The following DNAH17 variants were observed in gnomAD, a reference collection of about 807,000 sequenced individuals.
DNAH17 encodes axonemal beta dynein heavy chain 17.
In DNAH17, 376 loss-of-function variants were observed where a neutral mutation model predicts 485.6. The ratio of observed to expected loss-of-function variants is 0.77; its 90% CI spans 0.71 to 0.84. The LOEUF (loss-of-function observed/expected upper bound fraction) is 0.84. DNAH17 is among the 40% of genes least tolerant of loss of function. The pLI, the probability that DNAH17 is intolerant of heterozygous loss-of-function variation, is 0.00. For synonymous variants in DNAH17, 3,031 were observed against 2,405.9 expected (o/e 1.26, Z -7.60); for missense variants, 6,370 against 5,839.3 (o/e 1.09, Z -2.96).
chr17:78,496,237 C>T (rs1326652536), intron 37 of DNAH17, among the ~76,000 whole-genome samples: 4 of 152,074 alleles, frequency 2.6e-5, no homozygotes, highest in African/African-American at 9.7e-5. Context: ...GAGGGCCAGG[C>T]ACAGTGGCTC....
rs1006256662 is a variant in DNAH17 at position 78,500,235 on chromosome 17, G to A, written c.5640+70C>T. 10 of 1,490,012 alleles carry A rather than the reference G, an allele frequency of 6.7e-6. 1 individual carries two copies. The highest frequency in any genetic ancestry group is 3.5e-4 in the Middle Eastern group (2 of 5,654). The allele number at this position is 1,490,012 out of a possible 1,614,324, so 92.3% of individuals were successfully genotyped here. On this transcript the variant is annotated intron_variant, in intron 36 of 80. Coordinates refer to ENST00000389840, the MANE Select transcript of DNAH17 (RefSeq NM_173628.4). ...CTGGAGTTTACTGTGGGGCCTCGGA[G>A]GACAGGGTGCTAGGATCTGCTTCTA... is the stretch of plus-strand genomic sequence containing the variant.
chr17:78,438,428 G>T, intron 73 of DNAH17, among the ~76,000 whole-genome samples: 1 of 7,930 alleles, frequency 1.3e-4, no homozygotes, highest in East Asian at 6.4e-3. Context: ...TGAGGAGAAG[G>T]AGGAGGAGGA....
chr17:78,438,804 T>C (rs2086956535), intron 73 of DNAH17, among the ~76,000 whole-genome samples: 1 of 152,026 alleles, frequency 6.6e-6, no homozygotes, highest in Non-Finnish European at 1.5e-5. Context: ...CAACCATCTG[T>C]TGTTTAAATA....
At position 78,499,129 on chromosome 17, in the gene DNAH17, G is replaced by A. The variant is rs768889925; in HGVS notation, c.5641-17C>T. On this transcript the variant is annotated splice_polypyrimidine_tract_variant and intron_variant, in intron 36 of 80. Transcript: ENST00000389840. The stretch of plus-strand genomic sequence containing the variant: ...TCCACAGGACTGGAAAGGGCGAGAT[G>A]GAGAAAGGAAGAGCTGGGAGGGTGA... 5.2e-6 allele frequency: 8 copies of A among 1,544,768 alleles called. No individual in the cohort carries two copies. Among genetic ancestry groups the A allele is most frequent in the South Asian group, 2.4e-5 (2 of 81,912 alleles).
chr17:78,437,188 G>A (rs1263038294), intron 74 of DNAH17, among the ~76,000 whole-genome samples: 1 of 152,192 alleles, frequency 6.6e-6, no homozygotes, highest in Non-Finnish European at 1.5e-5. Flanking sequence ...CAGAGCCTCA[G>A]CGAGTACAGC....
chr17:78,492,855 GTTTT>G, intron 41 of DNAH17, 90 bp from the exon 42 acceptor site: 2 of 632,782 alleles, frequency 3.2e-6, no homozygotes, highest in African/African-American at 3.2e-5. Context: ...GGCCTGGATG[GTTTT>G]TTTTTTTTTG....
rs199723688 is a variant in DNAH17 at position 78,424,093 on chromosome 17, G to A, written c.13202C>T (p.Pro4401Leu). Residue 4401 changes from proline (P) to leucine (L), a missense_variant, in exon 81 of 81, where the codon CCG (proline) becomes CTG (leucine). Pro to Leu is a moderately conservative substitution (Grantham distance 98, BLOSUM62 -3). Transcript: ENST00000389840. ...IAEARLKELTPAMPVIFIKAI... is the reference protein window; with the variant it reads ...IAEARLKELTLAMPVIFIKAI... ...CTTGATGAAGATGACAGGCATGGCC[G>A]GGGTCAGCTCTTTCAGCCGCGCTTC... The A allele has an allele frequency of 3.0e-4, 491 of 1,613,912 alleles. No homozygotes were observed. Among genetic ancestry groups the A allele is most frequent in the Non-Finnish European group, 3.9e-4 (455 of 1,179,890 alleles).
chr17:78,553,310 T>G (rs2091949842), intron 14 of DNAH17, among the ~76,000 whole-genome samples: 1 of 63,096 alleles, frequency 1.6e-5, no homozygotes, highest in African/African-American at 4.9e-5. Flanking sequence ...TTTTTTTTTT[T>G]TTTTTTTTTA....
intron 2 of DNAH17, 104 bp downstream of exon 2, chr17:78,574,609 G>T: frequency 9.8e-7 from 1 of 1,015,782 alleles, no homozygotes; most frequent in Non-Finnish European, 1.4e-6. Context: ...CGGCTCTGCA[G>T]CTGCTGCTGG....
chr17:78,476,702 T>G lies in DNAH17; in HGVS notation c.8024A>C (p.Lys2675Thr). ...GLLFSTAEVLKTPLDLVRLWL... is the reference protein window; with the variant it reads ...GLLFSTAEVLTTPLDLVRLWL... ...AAGGCGGACGAGGTCCAGTGGGGTTTTCAGAACTTCTGCTGTGGAAAATAA... is the reference window on the plus strand; with the variant it reads ...AAGGCGGACGAGGTCCAGTGGGGTTGTCAGAACTTCTGCTGTGGAAAATAA... Residue 2675 changes from lysine to threonine, a missense_variant, in exon 52 of 81, where the codon AAA becomes ACA. Physicochemically the swap from Lys to Thr is moderately conservative, Grantham distance 78 (BLOSUM62 -1). Transcript: ENST00000389840. The G allele has an allele frequency of 6.2e-6, 10 of 1,612,988 alleles. No homozygotes were observed. Among genetic ancestry groups the G allele is most frequent in the Non-Finnish European group, 8.5e-6 (10 of 1,179,472 alleles).
chr17:78,520,114 G>GA (rs34706828), intron 25 of DNAH17, among the ~76,000 whole-genome samples: 71,836 of 150,574 alleles, frequency 0.48, 17,341 homozygotes, highest in East Asian at 0.59. Flanking sequence ...TCTGTTTCAA[G>GA]AAAAAAAAAG....
chr17:78,469,765 G>A (rs140675074), intron 54 of DNAH17, among the ~76,000 whole-genome samples: 25 of 152,336 alleles, frequency 1.6e-4, no homozygotes, highest in African/African-American at 5.1e-4. Context: ...ATTCTGACAC[G>A]TGCTATAGCA....
chr17:78,448,133 T>C lies in DNAH17; in HGVS notation c.11211+1281A>G, dbSNP rs1234922060. ...GTTGTGGTGGGCTGAGATTGCACCA[T>C]TGCACCCCAGCCCGGGCAACAAGAG... On this transcript the variant is annotated intron_variant, in intron 69 of 80. Transcript: ENST00000389840. 3.3e-5 allele frequency among the ~76,000 whole-genome samples: 5 copies of C among 150,580 alleles called. No individual in the cohort carries two copies. The South Asian group carries it at 6.3e-4, about 19-fold the overall frequency.
intron 37 of DNAH17, among the ~76,000 whole-genome samples, chr17:78,497,898 T>C (rs1371223043): frequency 2.0e-5 from 3 of 151,882 alleles, no homozygotes; most frequent in African/African-American, 4.8e-5. Flanking sequence ...ATCCCAGCAG[T>C]TTGGGAGGCC....
At position 78,459,040 on chromosome 17, in the gene DNAH17, C is replaced by A. The variant is rs1294561740; in HGVS notation, c.9822G>T (p.Glu3274Asp). Residue 3274 changes from glutamate to aspartate, a missense_variant, in exon 61 of 81, where the codon GAG becomes GAT. Coordinates refer to ENST00000389840, the MANE Select transcript of DNAH17 (RefSeq NM_173628.4). ...ALEEANAELA[E>D]AQEKLSRIKN... Reference sequence around the variant, plus strand: ...TGATCCGGGACAGCTTCTCTTGTGCCTCTGCCAGCTCTGCATTAGCCTCCT... The same window carrying A: ...TGATCCGGGACAGCTTCTCTTGTGCATCTGCCAGCTCTGCATTAGCCTCCT... 1.2e-6 allele frequency: 2 copies of A among 1,614,072 alleles called. No homozygotes were observed. The highest frequency in any genetic ancestry group is 1.7e-6 in the Non-Finnish European group (2 of 1,179,906).
chr17:78,499,080 C>A lies in DNAH17; in HGVS notation c.5673G>T (p.Gln1891His). The change falls in exon 37 of 81, where the codon CAG (glutamine) becomes CAT (histidine). Residue 1891 changes from glutamine to histidine, a missense_variant. Gln to His is a conservative substitution (Grantham distance 24). Coordinates refer to ENST00000389840, the MANE Select transcript of DNAH17 (RefSeq NM_173628.4). ...CGTCAAAGCAGCCCCAGGCTCCCGT[C>A]TGGGCCAGGCCCTTGTAGATATTTC... ...SCGNIYKGLA[Q>H]TGAWGCFDEF... 1.2e-5 allele frequency: 20 copies of A among 1,608,174 alleles called. No homozygotes were observed. Among genetic ancestry groups the A allele is most frequent in the Non-Finnish European group, 1.7e-5 (20 of 1,177,316 alleles).
intron 14 of DNAH17, 140 bp downstream of exon 14, chr17:78,557,968 G>T (rs1465854933): frequency 2.9e-6 from 3 of 1,037,250 alleles, no homozygotes; most frequent in Non-Finnish European, 2.8e-6. Context: ...CAGTAAGTAT[G>T]CAGTGAATGG....
chr17:78,560,477 T>C (rs1300684987), intron 13 of DNAH17, among the ~76,000 whole-genome samples: 2 of 141,018 alleles, frequency 1.4e-5, no homozygotes, highest in African/African-American at 2.5e-5. Context: ...GCAAAGACTT[T>C]TTCCCCCCCC....
chr17:78,438,455 A>AGGAGGG (rs1189859133), intron 73 of DNAH17, among the ~76,000 whole-genome samples: 16 of 82,580 alleles, frequency 1.9e-4, no homozygotes, highest in East Asian at 1.2e-3. Flanking sequence ...GGGAGGAGGG[A>AGGAGGG]GGAGGAGGAG....
Sources: gnomAD v4.1 joint callset for allele counts (sites outside exome capture counted in the v4.1 genomes callset) on GRCh38, gnomAD v4.1.1 for gene constraint, MANE v1.5 for transcripts, NCBI Gene and HGNC (gene_info 2026-07-23, HGNC 2026-07-21) for gene names.